MYO5B: variants seen among roughly 807,000 people sequenced by gnomAD.
MYO5B encodes the protein unconventional myosin-Vb.
Under a neutral mutation model 229.3 loss-of-function variants are expected in MYO5B, and 143 were observed. That is an observed-to-expected ratio of 0.62 (90% CI 0.54 to 0.72). MYO5B has a LOEUF of 0.72. MYO5B is among the 30% of genes least tolerant of loss of function. The pLI is 0.00. For missense variants in MYO5B, 2,321 were observed against 2,331.0 expected (o/e 1.00, Z 0.09); for synonymous variants, 918 against 885.2 (o/e 1.04, Z -0.66).
At chr18:49,996,947 G>A (rs1032093735) in intron 5 of MYO5B, among the ~76,000 whole-genome samples, 1 of 152,168 alleles carries the variant, frequency 6.6e-6, no homozygotes, top group African/African-American at 2.4e-5. Flanking sequence ...TTGTAAAAAT[G>A]GGTTAACAGT....
intron 5 of MYO5B, among the ~76,000 whole-genome samples, chr18:49,997,790 C>G (rs2026005381): frequency 6.6e-6 from 1 of 152,106 alleles, no homozygotes; most frequent in African/African-American, 2.4e-5. Context: ...TTTCCGCCTC[C>G]TCAGACCTTC....
chr18:50,053,971 C>T (rs1375853077), intron 2 of MYO5B, among the ~76,000 whole-genome samples: 1 of 152,152 alleles, frequency 6.6e-6, no homozygotes, highest in Non-Finnish European at 1.5e-5. Flanking sequence ...TGTTACCAAC[C>T]ATTTTCTTCC....
chr18:49,969,540 T>C (rs1266508114), intron 10 of MYO5B, among the ~76,000 whole-genome samples: 1 of 152,170 alleles, frequency 6.6e-6, no homozygotes, highest in Non-Finnish European at 1.5e-5. Flanking sequence ...GGCGTGTACT[T>C]TCATTTTCAA....
At chr18:49,877,735 A>G (rs2024542760) in intron 25 of MYO5B, 28 bp downstream of exon 25, 1 of 1,613,306 alleles carries the variant, frequency 6.2e-7, no homozygotes, top group African/African-American at 1.3e-5. Flanking sequence ...CTGGAGGAGG[A>G]CAGTACCCAA....
At chr18:49,875,946 C>T in intron 25 of MYO5B, 119 bp from the exon 26 acceptor site, 1 of 1,162,900 alleles carries the variant, frequency 8.6e-7, no homozygotes, top group Admixed American at 1.9e-5. Flanking sequence ...TCCCAAACAT[C>T]AATTTGCATC....
intron 9 of MYO5B, among the ~76,000 whole-genome samples, chr18:49,975,148 T>C (rs1316998621): frequency 1.3e-5 from 2 of 152,228 alleles, no homozygotes; most frequent in East Asian, 3.9e-4. Context: ...TCCTCTCTCT[T>C]AGAATTCCTC....
intron 1 of MYO5B, among the ~76,000 whole-genome samples, chr18:50,056,570 G>A (rs2030555629): frequency 2.0e-5 from 3 of 152,118 alleles, no homozygotes; most frequent in African/African-American, 4.8e-5. Context: ...GAAACAACTG[G>A]TTCTTTTGAC....
chr18:49,835,343 C>G lies in MYO5B; in HGVS notation c.5394+1G>C. The stretch of plus-strand genomic sequence containing the variant: ...TATAAAATTACTATCTTAAAACTCA[C>G]CTGGATTGTTCGTATAAAGGCCACT... On this transcript the variant is annotated splice_donor_variant, in intron 39 of 39. Coordinates refer to ENST00000285039, the MANE Select transcript of MYO5B (RefSeq NM_001080467.3). LOFTEE classifies it high-confidence loss of function. 4 of 1,603,522 alleles carry G rather than the reference C, an allele frequency of 2.5e-6. No individual in the cohort carries two copies. Among genetic ancestry groups the G allele is most frequent in the Non-Finnish European group, 3.4e-6 (4 of 1,172,088 alleles).
rs1266454186 is a variant in MYO5B, at chr18:50,055,469, G to T, written c.28-91C>A. On this transcript the variant is annotated intron_variant, in intron 1 of 39. Transcript: ENST00000285039. ...ACTACCTAGAAAGTGCCCATCAGGA[G>T]AACTTCTAAAGCTATCTGCACACAT... 2.9e-6 allele frequency: 3 copies of T among 1,034,116 alleles called. No homozygotes were observed. The East Asian group carries it at 7.2e-5, about 25-fold the overall frequency. The allele number at this position is 1,034,116 out of a possible 1,614,324, so 64.1% of individuals were successfully genotyped here. A position where few individuals can be genotyped will look rare whatever the true frequency, so the allele number is the denominator to read the frequency against.
chr18:49,953,880 T>C (rs2025455376), intron 13 of MYO5B, among the ~76,000 whole-genome samples: 1 of 141,258 alleles, frequency 7.1e-6, no homozygotes, highest in Non-Finnish European at 1.5e-5. Context: ...GCTTTAGAAT[T>C]TATATATACA....
chr18:49,926,246 A>C (rs950383340), intron 17 of MYO5B, among the ~76,000 whole-genome samples: 15 of 152,328 alleles, frequency 9.8e-5, no homozygotes, highest in African/African-American at 3.6e-4. Context: ...TAAATTCCTA[A>C]TTCCATCTGC....
In MYO5B at chr18:49,963,059, C is replaced by T. The variant is rs562772793; in HGVS notation, c.1323-29G>A. 8.0e-5 allele frequency: 127 copies of T among 1,587,042 alleles called. 1 individual carries two copies. Among genetic ancestry groups the T allele is most frequent in the East Asian group, 2.7e-4 (12 of 44,738 alleles). ...CAGAATGGAAAGAGAAGATAAGAGA[C>T]GTCTCCTTTCAACAAAGGAATCACT... On this transcript the variant is annotated intron_variant, in intron 10 of 39. Coordinates refer to ENST00000285039, the MANE Select transcript of MYO5B (RefSeq NM_001080467.3).
intron 17 of MYO5B, among the ~76,000 whole-genome samples, chr18:49,921,986 T>G (rs899509162): frequency 3.3e-5 from 5 of 152,238 alleles, no homozygotes; most frequent in Admixed American, 2.6e-4. Context: ...GTATGGTTAC[T>G]TGACAAGCTA....
chr18:49,842,095 G>GAA (rs1178864496), intron 34 of MYO5B, among the ~76,000 whole-genome samples: 3 of 96,866 alleles, frequency 3.1e-5, no homozygotes, highest in Admixed American at 1.1e-4. Flanking sequence ...ACGACCAAAA[G>GAA]AAAAAAAAAA....
chr18:49,953,527 T>A (rs2025451978), intron 13 of MYO5B, among the ~76,000 whole-genome samples, 184 bp from the exon 14 acceptor site: 1 of 152,210 alleles, frequency 6.6e-6, no homozygotes, highest in Admixed American at 6.5e-5. Flanking sequence ...GAACTGAGTA[T>A]TCATTTTGTG....
At chr18:50,125,298 C>T (rs575639619) in intron 1 of MYO5B, among the ~76,000 whole-genome samples, 40 of 148,672 alleles carry the variant, frequency 2.7e-4, no homozygotes, top group Non-Finnish European at 5.6e-4. Flanking sequence ...CGCATGTTCT[C>T]ACTCATGGTG....
At chr18:50,122,588 G>T (rs941147429) in intron 1 of MYO5B, among the ~76,000 whole-genome samples, 7 of 111,658 alleles carry the variant, frequency 6.3e-5, no homozygotes, top group Non-Finnish European at 1.1e-4. Flanking sequence ...GAGAGAGGAA[G>T]AGAGGGGGAG....
chr18:49,878,449 A>T (rs567360), intron 24 of MYO5B, among the ~76,000 whole-genome samples: 5 of 152,032 alleles, frequency 3.3e-5, no homozygotes, highest in African/African-American at 1.2e-4. Context: ...TATGCAATTA[A>T]CTTACTCCAT....
intron 17 of MYO5B, among the ~76,000 whole-genome samples, chr18:49,925,463 G>A (rs2025118849): frequency 6.6e-6 from 1 of 152,230 alleles, no homozygotes; most frequent in African/African-American, 2.4e-5. Flanking sequence ...TCTCCTGAGG[G>A]CTGCGTCATG....
Sources: gnomAD v4.1 joint callset for allele counts (sites outside exome capture counted in the v4.1 genomes callset) on GRCh38, gnomAD v4.1.1 for gene constraint, MANE v1.5 for transcripts, NCBI Gene and HGNC (gene_info 2026-07-23, HGNC 2026-07-21) for gene names.